The following SNED1 variants were observed in gnomAD, a reference collection of about 807,000 sequenced individuals.
The protein encoded by SNED1 is sushi, nidogen and EGF like domains 1, also known as sushi, nidogen and EGF-like domain-containing protein 1.
SNED1 carries 81 observed loss-of-function variants against 166.7 expected under a neutral mutation model. The observed-to-expected ratio is 0.49, with a 90% CI of 0.41 to 0.58. The LOEUF (loss-of-function observed/expected upper bound fraction) is 0.58. Among genes scored for constraint, SNED1 ranks in the 20% least tolerant of loss-of-function variants. The pLI, the probability that SNED1 is intolerant of heterozygous loss-of-function variation, is 0.00. For synonymous variants in SNED1, 762 were observed against 822.0 expected, an observed-to-expected ratio of 0.93 and a Z score of 1.25; for missense variants, 1,604 against 2,000.2, an observed-to-expected ratio of 0.80 and a Z score of 3.78.
chr2:241,003,652 T>A (rs1342928732), intron 1 of SNED1, among the ~76,000 whole-genome samples: 2 of 152,196 alleles, frequency 1.3e-5, no homozygotes, highest in African/African-American at 4.8e-5. Context: ...GCACAGCTGT[T>A]GGAACATGGT....
intron 1 of SNED1, among the ~76,000 whole-genome samples, chr2:241,004,665 T>C (rs1469464905): frequency 6.6e-6 from 1 of 152,242 alleles, no homozygotes; most frequent in Non-Finnish European, 1.5e-5. Flanking sequence ...CCTCATGCTA[T>C]TGTTGTCATA....
At chr2:241,070,578 CACAG>C (rs1478698303) in intron 24 of SNED1, among the ~76,000 whole-genome samples, 1 of 152,320 alleles carries the variant, frequency 6.6e-6, no homozygotes, top group South Asian at 2.1e-4. Flanking sequence ...AGCCACTGGA[CACAG>C]ACAGACAAAG....
At chr2:241,059,632 T>A (rs1219840583) in intron 16 of SNED1, among the ~76,000 whole-genome samples, 8 of 152,240 alleles carry the variant, frequency 5.3e-5, no homozygotes, top group Non-Finnish European at 1.0e-4. Context: ...GTCTAACTTT[T>A]AATGTCAATC....
At chr2:241,024,991 C>T (rs1289958148) in intron 1 of SNED1, among the ~76,000 whole-genome samples, 1 of 152,106 alleles carries the variant, frequency 6.6e-6, no homozygotes, top group Non-Finnish European at 1.5e-5. Flanking sequence ...CCATATTATC[C>T]CCTCTATCAG....
rs888173533 is a variant in SNED1, at chr2:241,068,019, G to C, written c.3194+72G>C. On this transcript the variant is annotated intron_variant, in intron 22 of 31. Coordinates refer to ENST00000310397, the MANE Select transcript of SNED1 (RefSeq NM_001080437.3). This position sits in a 1 kb window ranked among gnomAD's most constrained non-coding sequence, Gnocchi z 5.3. ...GGGGGCTCGGGGACACGGGGCCCAG[G>C]TCTCGGGCACATTCTCCGTGTGTGG... 1 of 1,393,062 alleles carries C rather than the reference G, an allele frequency of 7.2e-7. No individual in the cohort carries two copies. The highest frequency in any genetic ancestry group is 9.9e-7 in the Non-Finnish European group (1 of 1,011,444). The allele number at this position is 1,393,062 out of a possible 1,614,324, so 86.3% of individuals were successfully genotyped here. A position where few individuals can be genotyped will look rare whatever the true frequency, so the allele number is the denominator to read the frequency against.
chr2:241,087,564 C>T, intron 30 of SNED1, 89 bp downstream of exon 30: 1 of 1,489,822 alleles, frequency 6.7e-7, no homozygotes, highest in Non-Finnish European at 8.9e-7. Flanking sequence ...ATGCTGCAGG[C>T]CTGTGGGCTG....
Position 241,091,226 on chromosome 2 carries a change from GAAC to G in SNED1, c.*2-407_*2-405del, listed in dbSNP as rs2063957610. 1.3e-5 allele frequency among the ~76,000 whole-genome samples: 2 copies of G among 152,160 alleles called. No individual in the cohort carries two copies. Among genetic ancestry groups the G allele is most frequent in the African/African-American group, 2.4e-5 (1 of 41,416 alleles). ...CACACGCACCCAGACACCCATCCAA[GAAC>G]AACACGAGAATTCATTTCAACCCAG... On this transcript the variant is annotated intron_variant, in intron 31 of 31. Transcript: ENST00000310397. The surrounding 1 kb of genome is among the most constrained non-coding windows in gnomAD (Gnocchi z 4.1).
At chr2:241,007,445 A>G (rs963169635) in intron 1 of SNED1, among the ~76,000 whole-genome samples, 1 of 152,188 alleles carries the variant, frequency 6.6e-6, no homozygotes. Flanking sequence ...AAGAGCAGCA[A>G]TGCGTCTTTT....
In SNED1 at chr2:241,052,733, C is replaced by G. The variant is rs796136513; in HGVS notation, c.2083+265C>G. ...AGCAGGGTACATGGGATACCAGTGCCAGGCAGGTGAGAGGGCCGGGGGGCC... is the reference window on the plus strand; with the variant it reads ...AGCAGGGTACATGGGATACCAGTGCGAGGCAGGTGAGAGGGCCGGGGGGCC... On this transcript the variant is annotated intron_variant, in intron 15 of 31. Coordinates refer to ENST00000310397, the MANE Select transcript of SNED1 (RefSeq NM_001080437.3). Among the ~76,000 whole-genome samples the G allele has an allele frequency of 1.4e-3, 86 of 63,452 alleles. 3 individuals carry two copies. The East Asian group carries it at 0.016, about 12-fold the overall frequency. The allele number at this position is 63,452 out of a possible 152,430, so 41.6% of individuals were successfully genotyped here. A position where few individuals can be genotyped will look rare whatever the true frequency, so the allele number is the denominator to read the frequency against.
chr2:241,050,055 T>G, intron 12 of SNED1, 122 bp downstream of exon 12: 4 of 752,674 alleles, frequency 5.3e-6, no homozygotes, highest in Non-Finnish European at 9.6e-6. Flanking sequence ...TCTAGAGCCT[T>G]GCCTGATGTG....
intron 28 of SNED1, 91 bp from the exon 29 acceptor site, chr2:241,082,186 C>A: frequency 1.9e-6 from 2 of 1,032,774 alleles, no homozygotes; most frequent in East Asian, 4.8e-5. Flanking sequence ...CCTAAGGACC[C>A]CCGGGCCCTC....
intron 8 of SNED1, chr2:241,040,780 C>T (rs561645868): frequency 4.0e-4 from 187 of 471,498 alleles, no homozygotes; most frequent in Non-Finnish European, 7.0e-4. Context: ...TAACATCTTC[C>T]TCTCCTACTC....
At chr2:241,059,001 A>G (rs1056285014) in intron 16 of SNED1, among the ~76,000 whole-genome samples, 2 of 152,148 alleles carry the variant, frequency 1.3e-5, no homozygotes, top group African/African-American at 2.4e-5. Flanking sequence ...CTGATCAGGA[A>G]AAAAAGAGAG....
In SNED1 at chr2:241,070,163, C is replaced by T. The variant is rs1329051630; in HGVS notation, c.3551C>T (p.Pro1184Leu). Residue 1184 changes from proline (P) to leucine (L), a missense_variant, in exon 24 of 32, where the codon CCG (proline) becomes CTG (leucine). Pro to Leu is a moderately conservative substitution (Grantham distance 98). Transcript: ENST00000310397. ...VIAVQSTELG[P>L]QHSEPAHLYI... The stretch of plus-strand genomic sequence containing the variant: ...GCAGTGCAGAGCACGGAGCTCGGGC[C>T]GCAGCACAGCGAGCCCGCCCACCTC... 12 of 1,599,680 alleles carry T rather than the reference C, an allele frequency of 7.5e-6. No individual in the cohort carries two copies. Among genetic ancestry groups the T allele is most frequent in the South Asian group, 2.2e-5 (2 of 89,818 alleles).
At chr2:241,042,980 C>T (rs976570281) in intron 8 of SNED1, among the ~76,000 whole-genome samples, 54 of 151,306 alleles carry the variant, frequency 3.6e-4, no homozygotes, top group African/African-American at 1.3e-3. Flanking sequence ...GGATGAAGAA[C>T]AGTATCAAGC....
At chr2:241,015,289 G>A (rs1371481472) in intron 1 of SNED1, among the ~76,000 whole-genome samples, 1 of 152,172 alleles carries the variant, frequency 6.6e-6, no homozygotes, top group Non-Finnish European at 1.5e-5. Context: ...AACATTTTCA[G>A]TAAGGTTTCA....
At chr2:241,009,226 C>G (rs906747627) in intron 1 of SNED1, among the ~76,000 whole-genome samples, 4 of 152,136 alleles carry the variant, frequency 2.6e-5, no homozygotes, top group African/African-American at 9.7e-5. Flanking sequence ...GGAGGCCCCT[C>G]CCTCTGAGGT....
At chr2:241,074,839 T>G (rs1207922480) in intron 27 of SNED1, 1 of 152,198 alleles carries the variant, frequency 6.6e-6, no homozygotes, top group African/African-American at 2.4e-5. Flanking sequence ...GAACGATACC[T>G]TCTATCTTGC....
At chr2:241,050,029 C>G (rs1368521141) in intron 12 of SNED1, 96 bp downstream of exon 12, 1 of 916,814 alleles carries the variant, frequency 1.1e-6, no homozygotes, top group Non-Finnish European at 1.8e-6. Context: ...CCTTGTTTCG[C>G]GAATTGCTGA....
Sources: allele counts gnomAD v4.1 joint callset (sites outside exome capture counted in the v4.1 genomes callset), GRCh38; gene constraint gnomAD v4.1.1; non-coding constraint Gnocchi (gnomAD v3.1); transcripts MANE v1.5; gene names NCBI Gene and HGNC (gene_info 2026-07-23, HGNC 2026-07-21).